The following SPON1 variants were observed in gnomAD, a reference collection of about 807,000 sequenced individuals.
SPON1 encodes the protein spondin 1.
A neutral mutation model predicts 111.7 loss-of-function variants in SPON1; 52 were observed. The observed-to-expected ratio is 0.47, with a 90% CI of 0.37 to 0.59. The LOEUF (loss-of-function observed/expected upper bound fraction) is 0.59, where lower values mean the gene tolerates loss of function less well. SPON1 is among the 20% of genes least tolerant of loss of function. SPON1 has a pLI of 0.00. For missense variants in SPON1, 957 were observed against 1,068.5 expected (o/e 0.90, Z 1.46); for synonymous variants, 410 against 395.8 (o/e 1.04, Z -0.43).
intron 6 of SPON1, among the ~76,000 whole-genome samples, chr11:14,167,507 A>T (rs1267642016): frequency 2.7e-3 from 3 of 1,128 alleles, no homozygotes; most frequent in African/African-American, 9.3e-3. Flanking sequence ...CCAAAGGAGA[A>T]AACAAAACCA....
chr11:14,139,709 A>AATATATAT (rs57464043), intron 6 of SPON1, among the ~76,000 whole-genome samples: 52,011 of 144,934 alleles, frequency 0.36, 9,747 homozygotes, highest in East Asian at 0.49. Flanking sequence ...AAACATGTAA[A>AATATATAT]ATATATATAT....
At chr11:14,250,882 C>T (rs1849046185) in intron 7 of SPON1, among the ~76,000 whole-genome samples, 1 of 152,160 alleles carries the variant, frequency 6.6e-6, no homozygotes, top group African/African-American at 2.4e-5. Context: ...AAAGGAAATA[C>T]AAGAGCTCCA....
intron 5 of SPON1, among the ~76,000 whole-genome samples, chr11:14,129,693 G>A (rs539891562): frequency 1.2e-4 from 18 of 152,010 alleles, no homozygotes; most frequent in South Asian, 6.3e-4. Context: ...CCCCACTTTG[G>A]GTACCAATTT....
rs192474942 is a variant in SPON1, at chr11:14,157,748, T to C, written c.825+22180T>C. Among the ~76,000 whole-genome samples the C allele has an allele frequency of 2.4e-3, 361 of 152,266 alleles. 1 individual carries two copies. The highest frequency in any genetic ancestry group is 4.0e-3 in the Non-Finnish European group (269 of 67,994). On this transcript the variant is annotated intron_variant, in intron 6 of 15. Coordinates refer to ENST00000576479, the MANE Select transcript of SPON1 (RefSeq NM_006108.4). ...TATTTATCATTTTCCCTCCATACTT[T>C]AGCGTGGATATTTCCTAGTCCTCTC...
chr11:14,191,269 G>A (rs1169988868), intron 6 of SPON1, among the ~76,000 whole-genome samples: 2 of 152,198 alleles, frequency 1.3e-5, no homozygotes, highest in Non-Finnish European at 2.9e-5. Context: ...GGACCAATGA[G>A]AACTAGTCTC....
chr11:14,127,916 G>A (rs553537052), intron 5 of SPON1, among the ~76,000 whole-genome samples: 6 of 152,186 alleles, frequency 3.9e-5, no homozygotes, highest in Non-Finnish European at 7.4e-5. Flanking sequence ...AGAGTAAAGG[G>A]GAAACTGCCA....
chr11:14,250,195 T>A (rs1849037465), intron 7 of SPON1, among the ~76,000 whole-genome samples: 1 of 152,198 alleles, frequency 6.6e-6, no homozygotes, highest in South Asian at 2.1e-4. Flanking sequence ...TCTCTCCAAT[T>A]CAGTACTGCT....
At chr11:13,969,773 C>G (rs1164019848) in intron 1 of SPON1, among the ~76,000 whole-genome samples, 1 of 152,186 alleles carries the variant, frequency 6.6e-6, no homozygotes, top group African/African-American at 2.4e-5. Flanking sequence ...ACACCCTACC[C>G]CCAATATTCC....
chr11:14,034,489 T>C (rs909932240), intron 2 of SPON1, among the ~76,000 whole-genome samples: 2 of 152,224 alleles, frequency 1.3e-5, no homozygotes, highest in African/African-American at 4.8e-5. Flanking sequence ...AAGCAAACAA[T>C]GTTTGGAGGA....
Position 14,255,668 on chromosome 11 carries a change from C to A in SPON1, c.1114C>A (p.Pro372Thr), listed in dbSNP as rs367855100. 15 of 1,613,782 alleles carry A rather than the reference C, an allele frequency of 9.3e-6. No individual in the cohort carries two copies. Among genetic ancestry groups the A allele is most frequent in the Non-Finnish European group, 1.2e-5 (14 of 1,179,854 alleles). The change falls in exon 9 of 16, where the codon CCC (proline) becomes ACC (threonine). Residue 372 changes from proline to threonine, a missense_variant. Pro to Thr is a conservative substitution (Grantham distance 38). Around this residue, in one of 5 missense-constraint regions of SPON1, gnomAD observed 549 missense variants for 606.2 expected, o/e 0.91. Coordinates refer to ENST00000576479, the MANE Select transcript of SPON1 (RefSeq NM_006108.4). Reference sequence around the variant, plus strand: ...GCAGTCACCCAACAAACCCACCATTCCCCAGGAGAAAATCCGGCCCCTGAC... The same window carrying A: ...GCAGTCACCCAACAAACCCACCATTACCCAGGAGAAAATCCGGCCCCTGAC... The part of the protein sequence containing the change: ...TYESPNKPTI[P>T]QEKIRPLTSL...
chr11:14,086,924 T>A (rs1430140152), intron 5 of SPON1, among the ~76,000 whole-genome samples: 2 of 152,210 alleles, frequency 1.3e-5, no homozygotes, highest in Non-Finnish European at 2.9e-5. Context: ...ATTTTCTAGT[T>A]TATTTGTGTA....
At chr11:14,058,868 C>G (rs1554919540) in intron 3 of SPON1, among the ~76,000 whole-genome samples, 1 of 152,160 alleles carries the variant, frequency 6.6e-6, no homozygotes, top group Non-Finnish European at 1.5e-5. Flanking sequence ...TCATAAGTAG[C>G]AGAGCTGAGA....
intron 15 of SPON1, among the ~76,000 whole-genome samples, chr11:14,263,349 C>G (rs1255392526): frequency 6.6e-6 from 1 of 152,202 alleles, no homozygotes; most frequent in Non-Finnish European, 1.5e-5. Flanking sequence ...ACACCATTCA[C>G]TCCTTGCAAA....
chr11:14,138,125 C>G (rs1381305214), intron 6 of SPON1, among the ~76,000 whole-genome samples: 2 of 152,164 alleles, frequency 1.3e-5, no homozygotes, highest in Admixed American at 1.3e-4. Context: ...TCCTACCAAT[C>G]ACTTTGTCAA....
intron 2 of SPON1, among the ~76,000 whole-genome samples, chr11:14,002,014 C>T (rs1848322715): frequency 6.6e-6 from 1 of 152,090 alleles, no homozygotes; most frequent in Non-Finnish European, 1.5e-5. Context: ...ACTGTTTAAA[C>T]AGGACTTAGT....
intron 6 of SPON1, among the ~76,000 whole-genome samples, chr11:14,219,453 C>T (rs187819071): frequency 8.1e-4 from 123 of 152,254 alleles, no homozygotes; most frequent in Non-Finnish European, 1.5e-3. Flanking sequence ...GGGGAAAAAT[C>T]GATGCAGATG....
chr11:14,187,809 C>T (rs1270502051), intron 6 of SPON1, among the ~76,000 whole-genome samples: 6 of 148,248 alleles, frequency 4.0e-5, no homozygotes, highest in African/African-American at 1.2e-4. Flanking sequence ...GATGGAGTTT[C>T]GCTCTTGTTG....
chr11:14,040,995 G>A (rs1554917211), intron 2 of SPON1, among the ~76,000 whole-genome samples: 1 of 152,162 alleles, frequency 6.6e-6, no homozygotes, highest in African/African-American at 2.4e-5. Flanking sequence ...GTTAATTTGG[G>A]AGAATACTGA....
chr11:14,037,063 C>T (rs1223683800), intron 2 of SPON1, among the ~76,000 whole-genome samples: 3 of 151,368 alleles, frequency 2.0e-5, no homozygotes, highest in Non-Finnish European at 4.4e-5. Context: ...GAGAGAAGAC[C>T]GTAACTGGAG....
Sources: allele counts gnomAD v4.1 joint callset (sites outside exome capture counted in the v4.1 genomes callset), GRCh38; gene constraint gnomAD v4.1.1; regional missense constraint gnomAD v4.1.1; transcripts MANE v1.5; gene names NCBI Gene and HGNC (gene_info 2026-07-23, HGNC 2026-07-21).